Variants in ARFGEF1 observed in about 807,000 individuals in gnomAD.
ARFGEF1 encodes the protein ARF guanine nucleotide exchange factor 1, also known as brefeldin A-inhibited guanine nucleotide-exchange protein 1.
A neutral mutation model predicts 231.0 loss-of-function variants in ARFGEF1; 42 were observed. The ratio of observed to expected loss-of-function variants is 0.18; its 90% CI spans 0.14 to 0.24. The LOEUF is 0.24. Among genes scored for constraint, ARFGEF1 ranks in the 10% least tolerant of loss-of-function variants. The probability of loss-of-function intolerance (pLI) is 1.00; values close to 1 mark genes in which losing one functional copy is unlikely to be tolerated. For synonymous variants in ARFGEF1, 710 were observed against 732.3 expected (o/e 0.97, Z 0.49); for missense variants, 1,345 against 2,192.0 (o/e 0.61, Z 7.72).
chr8:67,194,848 C>T (rs985869979), downstream of ARFGEF1, among the ~76,000 whole-genome samples: 6 of 152,126 alleles, frequency 3.9e-5, no homozygotes, highest in Admixed American at 1.3e-4. Context: ...TGACTGGACA[C>T]GGCCTTGTTA....
At chr8:67,189,781 A>G (rs1835704558) in intron 5 of ARFGEF1, among the ~76,000 whole-genome samples, 2 of 152,176 alleles carry the variant, frequency 1.3e-5, no homozygotes, top group African/African-American at 4.8e-5. Flanking sequence ...TATATATAGA[A>G]ATTGGCAAAG....
intron 6 of ARFGEF1, among the ~76,000 whole-genome samples, chr8:67,288,453 C>T (rs1008718529): frequency 8.6e-5 from 13 of 150,578 alleles, no homozygotes; most frequent in African/African-American, 3.0e-4. Context: ...TGTAAGTAGG[C>T]TGGGTGCAGT....
rs751689754 is a variant in ARFGEF1, at chr8:67,266,143, G to A, written c.1986C>T (p.Tyr662=). 33 of 1,613,348 alleles carry A rather than the reference G, an allele frequency of 2.0e-5. No individual in the cohort carries two copies. In the South Asian group the frequency reaches 2.4e-4, roughly 12 times the overall value. ...TTGACTCCAGGGAATTTAAACTTCC[G>A]TATCTGTTTATTGTCTCAGGGTGTT... The part of the protein sequence containing the change: ...EIKHPETINR[Y]GSLNSLESTS... Residue 662 remains tyrosine (Y), a synonymous_variant, in exon 14 of 39, where the codon TAC becomes TAT. Coordinates refer to ENST00000262215, the MANE Select transcript of ARFGEF1 (RefSeq NM_006421.5).
chr8:67,224,587 TAACTTC>T (rs1839309873), intron 29 of ARFGEF1, among the ~76,000 whole-genome samples: 1 of 152,188 alleles, frequency 6.6e-6, no homozygotes, highest in African/African-American at 2.4e-5. Context: ...ATTTTGCCAC[TAACTTC>T]AACTTATTAT....
intron 34 of ARFGEF1, 153 bp from the exon 35 acceptor site, chr8:67,204,972 A>C: frequency 1.1e-6 from 1 of 871,998 alleles, no homozygotes; most frequent in Non-Finnish European, 1.7e-6. Context: ...GGCACTACTC[A>C]GTAAAAGTTT....
Position 67,292,016 on chromosome 8 carries a change from C to A in ARFGEF1, c.747G>T (p.Leu249Phe). Reference protein sequence around the residue: ...HEPESPQLRYLPPQTVDHISQ... With the variant: ...HEPESPQLRYFPPQTVDHISQ... ...ATATATGATCAACAGTCTGAGGTGG[C>A]AAATATCTAAGTTGAGGTGATTCAG... The change falls in exon 6 of 39, where the codon TTG becomes TTT. Residue 249 changes from leucine to phenylalanine, a missense_variant. Leu to Phe is a conservative substitution (Grantham distance 22, BLOSUM62 0). Around this residue, in one of 14 missense-constraint regions of ARFGEF1, gnomAD observed 398 missense variants for 463.2 expected, o/e 0.86. Coordinates refer to ENST00000262215, the MANE Select transcript of ARFGEF1 (RefSeq NM_006421.5). 1.2e-6 allele frequency: 2 copies of A among 1,613,892 alleles called. No individual in the cohort carries two copies. The highest frequency in any genetic ancestry group is 1.7e-6 in the Non-Finnish European group (2 of 1,179,890).
At chr8:67,210,557 A>C (rs1838697704) in intron 34 of ARFGEF1, among the ~76,000 whole-genome samples, 1 of 152,182 alleles carries the variant, frequency 6.6e-6, no homozygotes, top group African/African-American at 2.4e-5. Flanking sequence ...TTCCCGTTGC[A>C]GATGGGTAGA....
chr8:67,272,019 T>C (rs570827902), intron 9 of ARFGEF1, 83 bp from the exon 10 acceptor site: 2 of 779,818 alleles, frequency 2.6e-6, no homozygotes, highest in South Asian at 1.9e-5. Context: ...TATTTCCAGA[T>C]ACACATAATC....
At chr8:67,282,564 T>C (rs1338841290) in intron 7 of ARFGEF1, among the ~76,000 whole-genome samples, 1 of 152,050 alleles carries the variant, frequency 6.6e-6, no homozygotes, top group African/African-American at 2.4e-5. Flanking sequence ...AATAAAAATA[T>C]AGGCCAGGCG....
At chr8:67,332,770 A>G (rs146502153) in intron 1 of ARFGEF1, among the ~76,000 whole-genome samples, 323 of 152,310 alleles carry the variant, frequency 2.1e-3, no homozygotes, top group African/African-American at 7.5e-3. Flanking sequence ...CACAGGACTG[A>G]CACATTAGGC....
intron 5 of ARFGEF1, among the ~76,000 whole-genome samples, chr8:67,192,321 T>G (rs1836570663): frequency 6.6e-6 from 1 of 152,134 alleles, no homozygotes; most frequent in South Asian, 2.1e-4. Context: ...GTGATCCACC[T>G]GCCTCGGCCT....
At chr8:67,295,280 G>A (rs796665646) in intron 5 of ARFGEF1, among the ~76,000 whole-genome samples, 1 of 152,184 alleles carries the variant, frequency 6.6e-6, no homozygotes, top group Non-Finnish European at 1.5e-5. Flanking sequence ...AACAGTATTT[G>A]CACTGTCTTA....
At chr8:67,190,709 T>G (rs529267153) in intron 5 of ARFGEF1, 1 of 1,613,972 alleles carries the variant, frequency 6.2e-7, no homozygotes, top group Non-Finnish European at 8.5e-7. Context: ...ACCATCACAG[T>G]TGCCCTCTGC....
rs757535813 is a variant in ARFGEF1, at chr8:67,217,853, T to C, written c.4542A>G (p.Lys1514=). 9 of 1,613,872 alleles carry C rather than the reference T, an allele frequency of 5.6e-6. No individual in the cohort carries two copies. In the East Asian group the frequency reaches 1.6e-4, roughly 28 times the overall value. The change falls in exon 32 of 39, where the codon AAA becomes AAG. Residue 1514 remains lysine (K), a synonymous_variant. Coordinates refer to ENST00000262215, the MANE Select transcript of ARFGEF1 (RefSeq NM_006421.5). ...LENVVILNGE[K]FTLEIWDKTC... ...TTTTATCCCAGATTTCTAGGGTAAA[T>C]TTTTCACCATTCAGAATAACAACAT...
rs564931013 is a variant in ARFGEF1, at chr8:67,270,165, G to A, written c.1572+1537C>T. Among the ~76,000 whole-genome samples, 4 of 152,140 alleles carry A rather than the reference G, an allele frequency of 2.6e-5. No individual in the cohort carries two copies. In the East Asian group the frequency reaches 7.7e-4, roughly 29 times the overall value. ...TAATGGGGAAAAACTATCTAAAAAC[G>A]GCAACTCTTCCTAGTTAAACGCCTT... On this transcript the variant is annotated intron_variant, in intron 10 of 38. Transcript: ENST00000262215.
Position 67,216,630 on chromosome 8 carries a change from G to C in ARFGEF1, c.4646C>G (p.Thr1549Ser). ...LLTWRPNSGE[T>S]APPPPSPVSE... ...TACAGGAGATGGAGGTGGGGGGGCA[G>C]TTTCTCCAGAATTGGGTCGCCAGGT... The change falls in exon 33 of 39, where the codon ACT (threonine) becomes AGT (serine). Residue 1549 changes from threonine to serine, a missense_variant. Around this residue, in one of 14 missense-constraint regions of ARFGEF1, gnomAD observed 89 missense variants for 74.8 expected, o/e 1.19. Transcript: ENST00000262215. 6.2e-7 allele frequency: 1 copy of C among 1,608,816 alleles called. No individual in the cohort carries two copies. The highest frequency in any genetic ancestry group is 2.3e-5 in the East Asian group (1 of 44,438).
intron 1 of ARFGEF1, among the ~76,000 whole-genome samples, chr8:67,311,557 G>C (rs1807061605): frequency 6.8e-6 from 1 of 147,920 alleles, no homozygotes; most frequent in South Asian, 2.1e-4. Flanking sequence ...CAGTCTGGGA[G>C]GGAGATGGGG....
chr8:67,291,509 T>C (rs1014552231), intron 6 of ARFGEF1, among the ~76,000 whole-genome samples: 11 of 152,188 alleles, frequency 7.2e-5, no homozygotes, highest in Middle Eastern at 3.4e-3. Context: ...ACTAGGTCAC[T>C]TGTTTGCTAT....
chr8:67,326,765 T>C (rs6987724), intron 1 of ARFGEF1, among the ~76,000 whole-genome samples: 51,068 of 152,054 alleles, frequency 0.34, 8,938 homozygotes, highest in African/African-American at 0.43. Context: ...AACTAACCAA[T>C]GTTATTCAAG....
Sources: gnomAD v4.1 joint callset for allele counts (sites outside exome capture counted in the v4.1 genomes callset) on GRCh38, gnomAD v4.1.1 for gene constraint, gnomAD v4.1.1 regional missense constraint, MANE v1.5 for transcripts, NCBI Gene and HGNC (gene_info 2026-07-23, HGNC 2026-07-21) for gene names.